The following KCNQ3 variants were observed in gnomAD, a reference collection of about 807,000 sequenced individuals.
KCNQ3 encodes potassium voltage-gated channel subfamily KQT member 3.
In KCNQ3, 30 loss-of-function variants were observed where a neutral mutation model predicts 92.5. That is an observed-to-expected ratio of 0.32 (90% CI 0.24 to 0.44). KCNQ3 has a LOEUF of 0.44. Ranked by LOEUF, KCNQ3 falls within the 20% of genes least tolerant of loss-of-function variation. The probability of loss-of-function intolerance (pLI) is 1.00; values close to 1 mark genes in which losing one functional copy is unlikely to be tolerated. For synonymous variants in KCNQ3, 450 were observed against 468.8 expected, an observed-to-expected ratio of 0.96 and a Z score of 0.52; for missense variants, 913 against 1,140.3, an observed-to-expected ratio of 0.80 and a Z score of 2.87.
At chr8:132,211,021 G>A (rs946022133) in intron 1 of KCNQ3, among the ~76,000 whole-genome samples, 2 of 152,046 alleles carry the variant, frequency 1.3e-5, no homozygotes, top group Admixed American at 1.3e-4. Context: ...TCTCCCTCTG[G>A]GCCCCCACAG....
Position 132,445,550 on chromosome 8 carries a change from T to TA in KCNQ3, c.386+34596dup, listed in dbSNP as rs1365777963. ...GCACTAAGATCAAGTTAAGAAGAAA[T>TA]AAAAAAACGACTCTAATAAGCAGTA... On this transcript the variant is annotated intron_variant, in intron 1 of 14. Transcript: ENST00000388996. Among the ~76,000 whole-genome samples, 21 of 143,456 alleles carry TA rather than the reference T, an allele frequency of 1.5e-4. 1 individual carries two copies. Among genetic ancestry groups the TA allele is most frequent in the Admixed American group, 1.4e-3 (21 of 14,560 alleles). The allele number at this position is 143,456 out of a possible 152,430, so 94.1% of individuals were successfully genotyped here.
At chr8:132,296,721 T>A (rs1296591102) in intron 1 of KCNQ3, among the ~76,000 whole-genome samples, 1 of 152,152 alleles carries the variant, frequency 6.6e-6, no homozygotes, top group Non-Finnish European at 1.5e-5. Context: ...ACATGAACTC[T>A]TCATTTTTCA....
chr8:132,145,430 C>A (rs778012394), intron 9 of KCNQ3, among the ~76,000 whole-genome samples: 2 of 151,592 alleles, frequency 1.3e-5, no homozygotes, highest in Non-Finnish European at 1.5e-5. Context: ...GAGTTCCAAT[C>A]TCTGCTCTGT....
chr8:132,172,546 T>A, intron 7 of KCNQ3, 52 bp downstream of exon 7: 1 of 1,475,558 alleles, frequency 6.8e-7, no homozygotes. Context: ...CACACGTATG[T>A]ACATATGCAT....
intron 1 of KCNQ3, among the ~76,000 whole-genome samples, chr8:132,291,003 G>A (rs1306938421): frequency 6.6e-6 from 1 of 152,186 alleles, no homozygotes; most frequent in Non-Finnish European, 1.5e-5. Flanking sequence ...GAGATTTCAA[G>A]AAGTGCTGAA....
At chr8:132,155,610 A>G (rs886209448) in intron 9 of KCNQ3, among the ~76,000 whole-genome samples, 27 of 152,246 alleles carry the variant, frequency 1.8e-4, no homozygotes, top group African/African-American at 6.3e-4. Context: ...TAATGTGCCC[A>G]GAATCACATA....
chr8:132,200,421 T>G (rs1827424249), intron 1 of KCNQ3, among the ~76,000 whole-genome samples: 1 of 152,156 alleles, frequency 6.6e-6, no homozygotes, highest in Non-Finnish European at 1.5e-5. Context: ...CCTTGAGCAT[T>G]AAGAACAAGT....
chr8:132,170,445 AG>A lies in KCNQ3; in HGVS notation c.1141-18del, dbSNP rs2130109811. 6.4e-7 allele frequency: 1 copy of A among 1,569,346 alleles called. No individual in the cohort carries two copies. Among genetic ancestry groups the A allele is most frequent in the Non-Finnish European group, 8.8e-7 (1 of 1,139,630 alleles). On this transcript the variant is annotated intron_variant, in intron 7 of 14. Coordinates refer to ENST00000388996, the MANE Select transcript of KCNQ3 (RefSeq NM_004519.4). ...CCAGGCAGCCTGAGGGGCAGAAAAGAGGGGCAACAATGAGTGGGCACCACCT... is the reference window on the plus strand; with the variant it reads ...CCAGGCAGCCTGAGGGGCAGAAAAGAGGGCAACAATGAGTGGGCACCACCT...
chr8:132,274,414 G>T (rs141256978), intron 1 of KCNQ3, among the ~76,000 whole-genome samples: 1 of 152,260 alleles, frequency 6.6e-6, no homozygotes, highest in East Asian at 1.9e-4. Context: ...CACACGACAC[G>T]TGGGAATTGT....
At chr8:132,379,306 A>ATTT (rs5895139) in intron 1 of KCNQ3, among the ~76,000 whole-genome samples, 3 of 151,206 alleles carry the variant, frequency 2.0e-5, no homozygotes, top group African/African-American at 7.3e-5. Flanking sequence ...GATTAGCTCT[A>ATTT]TTTTTTTTTC....
chr8:132,170,231 C>T, intron 8 of KCNQ3, 103 bp downstream of exon 8: 1 of 846,330 alleles, frequency 1.2e-6, no homozygotes, highest in Non-Finnish European at 2.0e-6. Context: ...GAACATTGCC[C>T]TGAAGAGTGT....
chr8:132,412,840 G>C (rs1820685128), intron 1 of KCNQ3, among the ~76,000 whole-genome samples: 1 of 152,188 alleles, frequency 6.6e-6, no homozygotes, highest in Non-Finnish European at 1.5e-5. Context: ...GGATCTTGCT[G>C]TGGTCCCAAA....
intron 1 of KCNQ3, among the ~76,000 whole-genome samples, chr8:132,300,454 G>A (rs962818898): frequency 1.3e-5 from 2 of 152,280 alleles, no homozygotes; most frequent in Admixed American, 6.5e-5. Context: ...TGCAGTTTTC[G>A]TTGGCTGTCA....
chr8:132,143,372 G>A (rs1433573605), intron 9 of KCNQ3, among the ~76,000 whole-genome samples: 23 of 152,120 alleles, frequency 1.5e-4, no homozygotes, highest in Admixed American at 1.4e-3. Context: ...GCTGTATGGA[G>A]ACAGTACATT....
intron 1 of KCNQ3, among the ~76,000 whole-genome samples, chr8:132,191,591 ATG>A (rs202106374): frequency 5.5e-5 from 4 of 73,024 alleles, no homozygotes; most frequent in Non-Finnish European, 1.2e-4. Context: ...AAAGATGGAT[ATG>A]TGTGTGTATG....
intron 1 of KCNQ3, among the ~76,000 whole-genome samples, chr8:132,363,890 C>A (rs994535748): frequency 2.6e-5 from 4 of 151,688 alleles, no homozygotes; most frequent in Non-Finnish European, 1.5e-5. Flanking sequence ...CTAGTTTATC[C>A]CTAACTGACC....
Position 132,434,224 on chromosome 8 carries a change from A to T in KCNQ3, c.386+45923T>A, listed in dbSNP as rs1369981012. 2.7e-5 allele frequency among the ~76,000 whole-genome samples: 4 copies of T among 150,372 alleles called. No homozygotes were observed. In the East Asian group the frequency reaches 5.9e-4, roughly 22 times the overall value. On this transcript the variant is annotated intron_variant, in intron 1 of 14. Coordinates refer to ENST00000388996, the MANE Select transcript of KCNQ3 (RefSeq NM_004519.4). ...CTCCGTCTCAAAAAAAAAAAAAAAAAAAATAATAATAATAATAAACAAATA... is the reference window on the plus strand; with the variant it reads ...CTCCGTCTCAAAAAAAAAAAAAAAATAAATAATAATAATAATAAACAAATA...
chr8:132,472,394 A>G (rs1349570017), intron 1 of KCNQ3, among the ~76,000 whole-genome samples: 2 of 152,184 alleles, frequency 1.3e-5, no homozygotes, highest in African/African-American at 2.4e-5. Context: ...TAAAGAAAAT[A>G]TGGTATATGT....
At position 132,401,977 on chromosome 8, in the gene KCNQ3, T is replaced by C. The variant is rs1329018862; in HGVS notation, c.386+78170A>G. 8.6e-5 allele frequency among the ~76,000 whole-genome samples: 10 copies of C among 116,886 alleles called. No individual in the cohort carries two copies. In the Admixed American group the frequency reaches 8.7e-4, roughly 10 times the overall value. 76.7% of individuals were successfully genotyped at this position (116,886 alleles called of 152,430 possible). ...GAGAGGGCTGGTGCAGTCGGGCAGT[T>C]GCTAGAGCCAAAGCAAATCCCTGGG... On this transcript the variant is annotated intron_variant, in intron 1 of 14. Coordinates refer to ENST00000388996, the MANE Select transcript of KCNQ3 (RefSeq NM_004519.4).
Sources: allele counts gnomAD v4.1 joint callset (sites outside exome capture counted in the v4.1 genomes callset), GRCh38; gene constraint gnomAD v4.1.1; transcripts MANE v1.5; gene names NCBI Gene and HGNC (gene_info 2026-07-23, HGNC 2026-07-21).